Variants in ZNF609 observed in about 807,000 individuals in gnomAD.
ZNF609 encodes the protein zinc finger protein 609.
ZNF609 carries 11 observed loss-of-function variants against 109.5 expected under a neutral mutation model. That is an observed-to-expected ratio of 0.10 (90% confidence interval 0.06 to 0.17). ZNF609 has a LOEUF of 0.17. Ranked by LOEUF, ZNF609 falls within the 10% of genes least tolerant of loss-of-function variation. The probability of loss-of-function intolerance (pLI) is 1.00; values close to 1 mark genes in which losing one functional copy is unlikely to be tolerated. For missense variants in ZNF609, 1,559 were observed against 1,772.4 expected (o/e 0.88, Z 2.16); for synonymous variants, 646 against 662.0 (o/e 0.98, Z 0.37).
chr15:64,523,328 A>G (rs1230195489), intron 2 of ZNF609, among the ~76,000 whole-genome samples: 1 of 152,220 alleles, frequency 6.6e-6, no homozygotes, highest in African/African-American at 2.4e-5. Flanking sequence ...TTCCAATTAA[A>G]GTAATTATGC....
chr15:64,536,723 A>ACCCC (rs34575004), intron 2 of ZNF609, among the ~76,000 whole-genome samples: 4 of 125,454 alleles, frequency 3.2e-5, no homozygotes, highest in African/African-American at 1.3e-4. Flanking sequence ...CTAAAATTCC[A>ACCCC]CCCCCCCCCC....
At chr15:64,539,008 T>C (rs1315030732) in intron 2 of ZNF609, among the ~76,000 whole-genome samples, 1 of 151,768 alleles carries the variant, frequency 6.6e-6, no homozygotes, top group African/African-American at 2.4e-5. Context: ...CTGGTTTTTG[T>C]ACATTTTTCT....
intron 1 of ZNF609, among the ~76,000 whole-genome samples, chr15:64,463,700 A>G (rs1002439136): frequency 6.6e-6 from 1 of 152,126 alleles, no homozygotes; most frequent in African/African-American, 2.4e-5. Context: ...TGGGCCTTTG[A>G]TAGGAGGGAA....
chr15:64,558,350 C>T (rs576311972), intron 2 of ZNF609, among the ~76,000 whole-genome samples: 2 of 152,286 alleles, frequency 1.3e-5, no homozygotes, highest in South Asian at 2.1e-4. Context: ...CTTTATCTCT[C>T]AAAGCCTCAA....
chr15:64,549,892 C>T (rs560339250), intron 2 of ZNF609, among the ~76,000 whole-genome samples: 13 of 152,190 alleles, frequency 8.5e-5, no homozygotes, highest in African/African-American at 3.1e-4. Flanking sequence ...CCCAAGTGAT[C>T]CTCCTACATT....
intron 2 of ZNF609, among the ~76,000 whole-genome samples, chr15:64,619,706 G>A (rs1895850086): frequency 6.6e-6 from 1 of 152,208 alleles, no homozygotes; most frequent in African/African-American, 2.4e-5. Flanking sequence ...GTAGTTTGAT[G>A]CATACTTGTT....
intron 2 of ZNF609, among the ~76,000 whole-genome samples, chr15:64,576,449 G>GA (rs917865312): frequency 4.5e-4 from 63 of 140,642 alleles, no homozygotes; most frequent in African/African-American, 7.5e-4. Flanking sequence ...TTTTGTTCTA[G>GA]AAAAAAAAAA....
chr15:64,493,870 C>G (rs1893448076), intron 1 of ZNF609, among the ~76,000 whole-genome samples: 1 of 152,176 alleles, frequency 6.6e-6, no homozygotes, highest in African/African-American at 2.4e-5. Flanking sequence ...TCTGCAATGA[C>G]CTGTCAAAGA....
intron 3 of ZNF609, among the ~76,000 whole-genome samples, chr15:64,642,895 T>G (rs1896283965): frequency 6.6e-6 from 1 of 152,222 alleles, no homozygotes; most frequent in Non-Finnish European, 1.5e-5. Context: ...GAAGAAAATC[T>G]TAGCTAGTAC....
intron 2 of ZNF609, among the ~76,000 whole-genome samples, chr15:64,553,539 GTAA>G (rs1428261953): frequency 1.3e-5 from 2 of 150,596 alleles, no homozygotes; most frequent in Non-Finnish European, 3.0e-5. Flanking sequence ...GAATGTTTAC[GTAA>G]TAATTTTTTA....
At chr15:64,543,342 A>G (rs1284516356) in intron 2 of ZNF609, among the ~76,000 whole-genome samples, 3 of 142,968 alleles carry the variant, frequency 2.1e-5, no homozygotes, top group Non-Finnish European at 3.0e-5. Context: ...TAGACATGCC[A>G]TGGGGGTTCA....
At chr15:64,465,363 GTTGT>G (rs962429696) in intron 1 of ZNF609, among the ~76,000 whole-genome samples, 7 of 147,244 alleles carry the variant, frequency 4.8e-5, no homozygotes, top group African/African-American at 7.3e-5. Context: ...CATCTCTTCG[GTTGT>G]TTATTTGTTT....
chr15:64,667,837 A>C (rs1896672213), intron 3 of ZNF609, among the ~76,000 whole-genome samples: 1 of 152,210 alleles, frequency 6.6e-6, no homozygotes, highest in Non-Finnish European at 1.5e-5. Context: ...CAGAGGAGTA[A>C]ATAGATACTA....
chr15:64,537,099 T>G (rs1595710850), intron 2 of ZNF609, among the ~76,000 whole-genome samples: 2 of 151,222 alleles, frequency 1.3e-5, no homozygotes, highest in East Asian at 3.9e-4. Flanking sequence ...GGTGGGCAGT[T>G]GTAATCCCAG....
chr15:64,560,780 C>T (rs139397637), intron 2 of ZNF609, among the ~76,000 whole-genome samples: 1 of 152,080 alleles, frequency 6.6e-6, no homozygotes, highest in African/African-American at 2.4e-5. Context: ...TGGCTGAAGT[C>T]CATAGAATGT....
Position 64,584,122 on chromosome 15 carries a change from G to A in ZNF609, c.748-38705G>A, listed in dbSNP as rs932099787. On this transcript the variant is annotated intron_variant, in intron 2 of 9. Transcript: ENST00000326648. Reference sequence around the variant, plus strand: ...GTTTTAAAAAAGAAAGGAGGGGAATGTATAAGTAGAGCAACTAACCCTCAG... The same window carrying A: ...GTTTTAAAAAAGAAAGGAGGGGAATATATAAGTAGAGCAACTAACCCTCAG... Among the ~76,000 whole-genome samples, 6 of 152,136 alleles carry A rather than the reference G, an allele frequency of 3.9e-5. No individual in the cohort carries two copies. In the East Asian group the frequency reaches 9.6e-4, roughly 24 times the overall value.
chr15:64,616,767 C>T (rs931919403), intron 2 of ZNF609, among the ~76,000 whole-genome samples: 4 of 148,400 alleles, frequency 2.7e-5, no homozygotes, highest in African/African-American at 7.5e-5. Context: ...GATCCACCCG[C>T]CTCAGCCTCC....
At chr15:64,621,332 C>T (rs181516466) in intron 2 of ZNF609, among the ~76,000 whole-genome samples, 8 of 151,938 alleles carry the variant, frequency 5.3e-5, no homozygotes, top group Admixed American at 3.9e-4. Context: ...GTTAAAGGAT[C>T]ACTGCCCACT....
In ZNF609 at chr15:64,684,021, A is replaced by G. The variant is rs1321969506; in HGVS notation, c.*2335A>G. The G allele has an allele frequency of 6.6e-6, 1 of 152,194 alleles. No individual in the cohort carries two copies. The highest frequency in any genetic ancestry group is 1.5e-5 in the Non-Finnish European group (1 of 68,048). 9.4% of individuals were successfully genotyped at this position (152,194 alleles called of 1,614,324 possible). A position where few individuals can be genotyped will look rare whatever the true frequency, so the allele number is the denominator to read the frequency against. On this transcript the variant is annotated 3_prime_UTR_variant, in exon 10 of 10. Transcript: ENST00000326648. ...AAACATTTGGCTCTTTGATCCTCAT[A>G]TCCAAGTCTCCCCTGAAGAGTAGGA... is the stretch of plus-strand genomic sequence containing the variant.
Sources: allele counts gnomAD v4.1 joint callset (sites outside exome capture counted in the v4.1 genomes callset), GRCh38; gene constraint gnomAD v4.1.1; transcripts MANE v1.5; gene names NCBI Gene and HGNC (gene_info 2026-07-23, HGNC 2026-07-21).